The following PSD2 variants were observed in gnomAD, a reference collection of about 807,000 sequenced individuals.
PSD2 encodes PH and SEC7 domain-containing protein 2.
A neutral mutation model predicts 69.8 loss-of-function variants in PSD2; 38 were observed. The observed-to-expected ratio is 0.54, with a 90% CI of 0.42 to 0.71. The LOEUF (loss-of-function observed/expected upper bound fraction) is 0.71, where lower values mean the gene tolerates loss of function less well. Among genes scored for constraint, PSD2 ranks in the 30% least tolerant of loss-of-function variants. The pLI, the probability that PSD2 is intolerant of heterozygous loss-of-function variation, is 0.00. For missense variants in PSD2, 943 were observed against 1,014.5 expected (o/e 0.93, Z 0.96); for synonymous variants, 412 against 423.0 (o/e 0.97, Z 0.32).
In PSD2 at chr5:139,837,901, A is replaced by T; in HGVS notation, c.1823+119A>T. 2.1e-6 allele frequency: 2 copies of T among 967,000 alleles called. No individual in the cohort carries two copies. Among genetic ancestry groups the T allele is most frequent in the South Asian group, 3.4e-5 (2 of 58,256 alleles). The allele number at this position is 967,000 out of a possible 1,614,324, so 59.9% of individuals were successfully genotyped here. On this transcript the variant is annotated intron_variant, in intron 12 of 14. Transcript: ENST00000274710. This position sits in a 1 kb window ranked among gnomAD's most constrained non-coding sequence, Gnocchi z 5.0. ...GAGCATGTGTATCCACATGACACAGACCGACAGCTGGGTCCCTCCAAAGCA... is the reference window on the plus strand; with the variant it reads ...GAGCATGTGTATCCACATGACACAGTCCGACAGCTGGGTCCCTCCAAAGCA...
chr5:139,803,688 G>A (rs1052197119), intron 1 of PSD2, among the ~76,000 whole-genome samples: 9 of 152,180 alleles, frequency 5.9e-5, no homozygotes, highest in East Asian at 3.9e-4. Context: ...AGCACAAGGC[G>A]GTCCAAGCTG....
At chr5:139,754,751 C>T in the PSD2 span, among the ~76,000 whole-genome samples, 1 of 151,040 alleles carries the variant, frequency 6.6e-6, no homozygotes, top group East Asian at 2.0e-4. Context: ...GTGGCACCCA[C>T]CTGTAATCCC....
chr5:139,765,776 C>A, the PSD2 span, among the ~76,000 whole-genome samples: 1 of 152,206 alleles, frequency 6.6e-6, no homozygotes, highest in East Asian at 1.9e-4. Context: ...GGGTTCCTCC[C>A]GGAGTGACCG....
upstream of PSD2, among the ~76,000 whole-genome samples, chr5:139,792,923 TTC>T (rs1194660226): frequency 6.7e-6 from 1 of 148,762 alleles, no homozygotes; most frequent in Non-Finnish European, 1.5e-5. Context: ...TCTTTCTTTT[TTC>T]TTTCTTTCTT....
the PSD2 span, among the ~76,000 whole-genome samples, chr5:139,766,884 T>TTTCTTTCTTTCC: frequency 2.0e-5 from 3 of 149,336 alleles, no homozygotes; most frequent in African/African-American, 7.4e-5. Context: ...TCTTTCTTTC[T>TTTCTTTCTTTCC]TTCCTTCTTT....
chr5:139,765,985 CT>C, the PSD2 span, among the ~76,000 whole-genome samples: 2 of 152,148 alleles, frequency 1.3e-5, no homozygotes, highest in Non-Finnish European at 2.9e-5. Context: ...TTTTTTGGGC[CT>C]GTCCTCAAGC....
In PSD2 at chr5:139,814,486, C is replaced by G; in HGVS notation, c.1016+122C>G. 1.2e-6 allele frequency: 1 copy of G among 805,300 alleles called. No homozygotes were observed. The highest frequency in any genetic ancestry group is 1.9e-6 in the Non-Finnish European group (1 of 539,400). The allele number at this position is 805,300 out of a possible 1,614,324, so 49.9% of individuals were successfully genotyped here. On this transcript the variant is annotated intron_variant, in intron 4 of 14. Coordinates refer to ENST00000274710, the MANE Select transcript of PSD2 (RefSeq NM_032289.4). This position sits in a 1 kb window ranked among gnomAD's most constrained non-coding sequence, Gnocchi z 4.4. Reference sequence around the variant, plus strand: ...CTGGGGGGGCACTCCCAACAGTTCCCCAAGGACACCTCCTCCCGCCACTGT... The same window carrying G: ...CTGGGGGGGCACTCCCAACAGTTCCGCAAGGACACCTCCTCCCGCCACTGT...
chr5:139,754,247 T>G, the PSD2 span, among the ~76,000 whole-genome samples: 1 of 151,826 alleles, frequency 6.6e-6, no homozygotes, highest in South Asian at 2.1e-4. Flanking sequence ...CTGGGCAACA[T>G]GGGGAAACCC....
the PSD2 span, among the ~76,000 whole-genome samples, chr5:139,750,180 G>A: frequency 6.6e-6 from 1 of 152,036 alleles, no homozygotes; most frequent in African/African-American, 2.4e-5. Context: ...AAAAAAATTA[G>A]CCAGGTGTAG....
chr5:139,821,576 C>G (rs1414601120), intron 5 of PSD2, among the ~76,000 whole-genome samples: 1 of 152,176 alleles, frequency 6.6e-6, no homozygotes, highest in African/African-American at 2.4e-5. Context: ...AGTGGGCATC[C>G]ACCCTGAAGA....
rs561751586 is a variant in PSD2, at chr5:139,839,229, G to A, written c.1968+457G>A. On this transcript the variant is annotated intron_variant, in intron 13 of 14. Coordinates refer to ENST00000274710, the MANE Select transcript of PSD2 (RefSeq NM_032289.4). The surrounding 1 kb of genome is among the most constrained non-coding windows in gnomAD (Gnocchi z 5.1). Reference sequence around the variant, plus strand: ...CAGGTTCTCAGGGCTTCTTTGGAGAGGACAGGAGAAATGGTGGCCCGGAGC... The same window carrying A: ...CAGGTTCTCAGGGCTTCTTTGGAGAAGACAGGAGAAATGGTGGCCCGGAGC... 6.6e-6 allele frequency among the ~76,000 whole-genome samples: 1 copy of A among 152,368 alleles called. No individual in the cohort carries two copies. Among genetic ancestry groups the A allele is most frequent in the East Asian group, 1.9e-4 (1 of 5,186 alleles).
intron 1 of PSD2, among the ~76,000 whole-genome samples, chr5:139,806,100 C>T (rs1759798961): frequency 6.6e-6 from 1 of 152,200 alleles, no homozygotes; most frequent in Non-Finnish European, 1.5e-5. Flanking sequence ...GGCTGCCGAG[C>T]CCAAGGTCAT....
At chr5:139,811,071 T>C (rs1402014180) in intron 2 of PSD2, among the ~76,000 whole-genome samples, 4 of 152,124 alleles carry the variant, frequency 2.6e-5, no homozygotes, top group African/African-American at 9.7e-5. Flanking sequence ...GGCAGAGGTG[T>C]CTTTACTGGG....
chr5:139,788,719 C>T, the PSD2 span, among the ~76,000 whole-genome samples: 2 of 152,200 alleles, frequency 1.3e-5, no homozygotes, highest in East Asian at 3.9e-4. Flanking sequence ...GGGCCGGCGG[C>T]CGGCTGCCGG....
chr5:139,764,801 CTCTG>C, the PSD2 span, among the ~76,000 whole-genome samples: 1 of 152,292 alleles, frequency 6.6e-6, no homozygotes, highest in African/African-American at 2.4e-5. Context: ...AGAGCCTGTC[CTCTG>C]TCTATGAGCA....
the PSD2 span, among the ~76,000 whole-genome samples, chr5:139,788,281 G>A: frequency 6.6e-6 from 1 of 151,316 alleles, no homozygotes; most frequent in Non-Finnish European, 1.5e-5. Context: ...GGCAGGACTC[G>A]ACATGTCCCG....
intron 7 of PSD2, among the ~76,000 whole-genome samples, chr5:139,825,266 A>G (rs915602665): frequency 6.6e-6 from 1 of 152,356 alleles, no homozygotes; most frequent in Admixed American, 6.5e-5. Context: ...GGAGCCGGCC[A>G]TGGAAAGATC....
chr5:139,814,049 C>A lies in PSD2; in HGVS notation c.822-121C>A. On this transcript the variant is annotated intron_variant, in intron 3 of 14. Coordinates refer to ENST00000274710, the MANE Select transcript of PSD2 (RefSeq NM_032289.4). The surrounding 1 kb of genome is among the most constrained non-coding windows in gnomAD (Gnocchi z 4.4). ...TTCATTCCCTCCGGCTGCAGTGGAG[C>A]TTCTTTCCCTGTTCTGGCCCCTACA... is the stretch of plus-strand genomic sequence containing the variant. 2.1e-6 allele frequency: 2 copies of A among 935,900 alleles called. No homozygotes were observed. The highest frequency in any genetic ancestry group is 1.6e-5 in the South Asian group (1 of 61,706). 58.0% of individuals were successfully genotyped at this position (935,900 alleles called of 1,614,324 possible).
the PSD2 span, among the ~76,000 whole-genome samples, chr5:139,789,213 G>A: frequency 9.2e-5 from 14 of 152,350 alleles, no homozygotes; most frequent in East Asian, 2.7e-3. Flanking sequence ...TCCAGGCCCT[G>A]GGCTCAGGGA....
Sources: allele counts gnomAD v4.1 joint callset (sites outside exome capture counted in the v4.1 genomes callset), GRCh38; gene constraint gnomAD v4.1.1; non-coding constraint Gnocchi (gnomAD v3.1); transcripts MANE v1.5; gene names NCBI Gene and HGNC (gene_info 2026-07-23, HGNC 2026-07-21).